The following MICOS10 variants were observed in gnomAD, a reference collection of about 807,000 sequenced individuals.
MICOS10 encodes the protein mitochondrial contact site and cristae organizing system subunit 10, also known as MICOS complex subunit MIC10.
Under a neutral mutation model 13.4 loss-of-function variants are expected in MICOS10, and 5 were observed. That is an observed-to-expected ratio of 0.37 (90% CI 0.20 to 0.78). The LOEUF (loss-of-function observed/expected upper bound fraction) is 0.78, where lower values mean the gene tolerates loss of function less well. Ranked by LOEUF, MICOS10 falls within the 30% of genes least tolerant of loss-of-function variation. The probability of loss-of-function intolerance (pLI) is 0.47; values close to 1 mark genes in which losing one functional copy is unlikely to be tolerated. For synonymous variants in MICOS10, 35 were observed against 33.6 expected (o/e 1.04, Z -0.15); for missense variants, 101 against 94.6 (o/e 1.07, Z -0.28).
chr1:19,598,990 T>TCCTCCTG (rs1303191186), intron 1 of MICOS10, among the ~76,000 whole-genome samples: 1 of 152,154 alleles, frequency 6.6e-6, no homozygotes, highest in Non-Finnish European at 1.5e-5. Context: ...GCTCAAGCGA[T>TCCTCCTG]CCTCCTGCCT....
intron 1 of MICOS10, among the ~76,000 whole-genome samples, chr1:19,604,500 C>T (rs936116410): frequency 2.6e-5 from 4 of 152,192 alleles, no homozygotes; most frequent in African/African-American, 9.6e-5. Context: ...CAGAGTGAGA[C>T]TTGGTCTCAA....
At chr1:19,626,255 A>T (rs1314546579) in intron 3 of MICOS10, 132 bp from the exon 4 acceptor site, 1 of 1,014,138 alleles carries the variant, frequency 9.9e-7, no homozygotes, top group African/African-American at 1.6e-5. Context: ...TCCTGTTGTG[A>T]GACAGTTTTA....
At chr1:19,617,217 GT>G in intron 1 of MICOS10, 1 of 935,746 alleles carries the variant, frequency 1.1e-6, no homozygotes, top group Non-Finnish European at 1.3e-6. Context: ...TCATACCTTT[GT>G]TTCTTTCCAT....
At chr1:19,603,530 G>T (rs899393087) in intron 1 of MICOS10, among the ~76,000 whole-genome samples, 2 of 152,168 alleles carry the variant, frequency 1.3e-5, no homozygotes, top group African/African-American at 4.8e-5. Context: ...TCTGATTCTG[G>T]CACTTCCTGG....
At position 19,608,384 on chromosome 1, in the gene MICOS10, A is replaced by T. The variant is rs1051595690; in HGVS notation, c.64+11275A>T. On this transcript the variant is annotated intron_variant, in intron 1 of 3. Coordinates refer to ENST00000322753, the MANE Select transcript of MICOS10 (RefSeq NM_001032363.4). The stretch of plus-strand genomic sequence containing the variant: ...CCAGAGGTGCAAGGAGCTGGGTATC[A>T]TTGCCCTACACATCCAACTCCGGGC... The T allele has an allele frequency of 3.2e-6, 4 of 1,252,634 alleles. No homozygotes were observed. The African/African-American group carries it at 5.8e-5, about 18-fold the overall frequency. 77.6% of individuals were successfully genotyped at this position (1,252,634 alleles called of 1,614,324 possible).
At chr1:19,608,104 A>G (rs1233095291) in intron 1 of MICOS10, 1 of 952,154 alleles carries the variant, frequency 1.1e-6, no homozygotes, top group South Asian at 1.3e-5. Flanking sequence ...TCTGGAGACG[A>G]CGTGCAGAAA....
intron 1 of MICOS10, among the ~76,000 whole-genome samples, chr1:19,615,741 ACCCTGCTG>A (rs2094881771): frequency 1.4e-5 from 2 of 143,374 alleles, no homozygotes; most frequent in South Asian, 4.5e-4. Context: ...ATGCCACCAC[ACCCTGCTG>A]AACTTTCCAT....
At chr1:19,601,650 A>G (rs961146281) in intron 1 of MICOS10, among the ~76,000 whole-genome samples, 2 of 151,576 alleles carry the variant, frequency 1.3e-5, no homozygotes, top group African/African-American at 4.8e-5. Flanking sequence ...TTCGGGTTTT[A>G]AAACCTCTAT....
At chr1:19,609,174 ATTTT>A (rs1052650185) in intron 1 of MICOS10, among the ~76,000 whole-genome samples, 1 of 149,896 alleles carries the variant, frequency 6.7e-6, no homozygotes, top group Non-Finnish European at 1.5e-5. Flanking sequence ...TTAAAAAAAA[ATTTT>A]TTTTTTAATC....
At chr1:19,600,602 T>C (rs922981813) in intron 1 of MICOS10, among the ~76,000 whole-genome samples, 1 of 152,112 alleles carries the variant, frequency 6.6e-6, no homozygotes, top group Non-Finnish European at 1.5e-5. Flanking sequence ...AATTTCACTG[T>C]GGGTTTTTGT....
At chr1:19,619,790 G>T (rs2094896766) in intron 1 of MICOS10, among the ~76,000 whole-genome samples, 1 of 152,186 alleles carries the variant, frequency 6.6e-6, no homozygotes, top group African/African-American at 2.4e-5. Flanking sequence ...TTTTAGAGGA[G>T]TATGTGCCAA....
intron 1 of MICOS10, chr1:19,608,516 A>C (rs761496692): frequency 9.2e-7 from 1 of 1,084,142 alleles, no homozygotes; most frequent in South Asian, 1.2e-5. Context: ...CGTCACCCCC[A>C]TCCCCTCTGA....
At chr1:19,606,899 A>G (rs1016361742) in intron 1 of MICOS10, among the ~76,000 whole-genome samples, 1 of 152,266 alleles carries the variant, frequency 6.6e-6, no homozygotes, top group Non-Finnish European at 1.5e-5. Context: ...TTAAAAAAAT[A>G]CTAAAAGAGG....
intron 1 of MICOS10, among the ~76,000 whole-genome samples, chr1:19,603,931 C>G (rs1039150616): frequency 6.6e-6 from 1 of 152,090 alleles, no homozygotes; most frequent in Non-Finnish European, 1.5e-5. Flanking sequence ...GTGTCAAGCA[C>G]AACAGTGATT....
intron 2 of MICOS10, among the ~76,000 whole-genome samples, chr1:19,623,143 G>A (rs772424016): frequency 4.6e-5 from 7 of 151,908 alleles, no homozygotes; most frequent in African/African-American, 7.3e-5. Context: ...AGATGGTCTC[G>A]ATCTCCTGAC....
intron 1 of MICOS10, chr1:19,608,471 G>A (rs1431481727): frequency 1.6e-6 from 2 of 1,257,880 alleles, no homozygotes; most frequent in Middle Eastern, 1.9e-4. Flanking sequence ...CAGAGCCCTT[G>A]CCTGCTCGGG....
In MICOS10 at chr1:19,600,544, CAT is replaced by C. The variant is rs1182266196; in HGVS notation, c.64+3437_64+3438del. Among the ~76,000 whole-genome samples, 5 of 152,252 alleles carry C rather than the reference CAT, an allele frequency of 3.3e-5. No individual in the cohort carries two copies. The East Asian group carries it at 9.6e-4, about 29-fold the overall frequency. On this transcript the variant is annotated intron_variant, in intron 1 of 3. Transcript: ENST00000322753. ...GATAGGTAAGAGGTTTGGTGGAAGA[CAT>C]AGACAGGAAGAAAAGGCCAATGCAG...
intron 1 of MICOS10, among the ~76,000 whole-genome samples, chr1:19,618,908 T>C (rs2094894098): frequency 6.6e-6 from 1 of 152,244 alleles, no homozygotes; most frequent in Non-Finnish European, 1.5e-5. Context: ...CAAAATAAAA[T>C]GGAGTTACTT....
chr1:19,617,338 T>C, intron 1 of MICOS10: 2 of 981,682 alleles, frequency 2.0e-6, no homozygotes, highest in Non-Finnish European at 2.4e-6. Context: ...ACAGGAAGGG[T>C]AAGGTCTTGT....
Sources: gnomAD v4.1 joint callset for allele counts (sites outside exome capture counted in the v4.1 genomes callset) on GRCh38, gnomAD v4.1.1 for gene constraint, MANE v1.5 for transcripts, NCBI Gene and HGNC (gene_info 2026-07-23, HGNC 2026-07-21) for gene names.